The following C10orf143 variants were observed in gnomAD, a reference collection of about 807,000 sequenced individuals.
C10orf143 encodes chromosome 10 open reading frame 143, also known as uncharacterized protein C10orf143.
chr10:130,075,125 T>C (rs1861094378), intron 3 of C10orf143, among the ~76,000 whole-genome samples: 1 of 151,946 alleles, frequency 6.6e-6, no homozygotes, highest in Non-Finnish European at 1.5e-5. Flanking sequence ...CTAATGACAA[T>C]GCTGGTATCC....
intron 1 of C10orf143, among the ~76,000 whole-genome samples, chr10:130,093,658 T>C (rs1372449718): frequency 6.6e-6 from 1 of 151,988 alleles, no homozygotes; most frequent in African/African-American, 2.4e-5. Context: ...ACAAAATACA[T>C]AGGCCACTAG....
chr10:130,072,449 A>C (rs535447593), intron 3 of C10orf143, among the ~76,000 whole-genome samples: 1 of 152,052 alleles, frequency 6.6e-6, no homozygotes, highest in African/African-American at 2.4e-5. Context: ...CCATCTTTTT[A>C]TCTCTCTTGC....
chr10:130,043,950 C>T (rs1328338370), intron 3 of C10orf143, among the ~76,000 whole-genome samples: 1 of 151,880 alleles, frequency 6.6e-6, no homozygotes, highest in Non-Finnish European at 1.5e-5. Flanking sequence ...TGGGGCTCAG[C>T]CTGGGCACCT....
At chr10:130,035,154 T>G (rs1860530919) in intron 4 of C10orf143, among the ~76,000 whole-genome samples, 1 of 152,216 alleles carries the variant, frequency 6.6e-6, no homozygotes. Context: ...AAATTTATTT[T>G]CTCACCATCC....
intron 3 of C10orf143, chr10:130,068,260 C>T (rs1387244598): frequency 6.6e-6 from 1 of 152,180 alleles, no homozygotes; most frequent in African/African-American, 2.4e-5. Flanking sequence ...AACACAAAGC[C>T]CAGACATGAA....
At chr10:130,046,696 G>A (rs1860677783) in intron 3 of C10orf143, among the ~76,000 whole-genome samples, 2 of 152,256 alleles carry the variant, frequency 1.3e-5, no homozygotes, top group Non-Finnish European at 2.9e-5. Flanking sequence ...CGCGCTGCGG[G>A]CTGGGCGTGT....
intron 1 of C10orf143, chr10:130,107,074 A>C (rs1861662516): frequency 6.4e-7 from 1 of 1,555,906 alleles, no homozygotes; most frequent in African/African-American, 1.4e-5. Context: ...AAATTGATAA[A>C]ACAAAGGAAG....
At chr10:130,055,270 T>C (rs559263708) in intron 3 of C10orf143, among the ~76,000 whole-genome samples, 2 of 152,188 alleles carry the variant, frequency 1.3e-5, no homozygotes, top group Non-Finnish European at 2.9e-5. Context: ...TTTCATCAAA[T>C]TGAAAAGCTT....
At chr10:130,074,801 A>T (rs1312678986) in intron 3 of C10orf143, among the ~76,000 whole-genome samples, 1 of 152,250 alleles carries the variant, frequency 6.6e-6, no homozygotes, top group Non-Finnish European at 1.5e-5. Context: ...ATTTAGAATC[A>T]GAATAATCAT....
At chr10:130,092,933 C>T (rs1262250786) in intron 1 of C10orf143, among the ~76,000 whole-genome samples, 1 of 152,096 alleles carries the variant, frequency 6.6e-6, no homozygotes, top group Non-Finnish European at 1.5e-5. Flanking sequence ...TCTAAGAGAC[C>T]TACAAAGAGA....
chr10:130,060,106 T>G (rs1163669240), downstream of C10orf143, among the ~76,000 whole-genome samples: 2 of 152,138 alleles, frequency 1.3e-5, no homozygotes, highest in African/African-American at 4.8e-5. Context: ...TGGAGCTGGA[T>G]AAGAACTGAC....
intron 3 of C10orf143, among the ~76,000 whole-genome samples, chr10:130,072,022 T>C (rs1313225161): frequency 6.6e-6 from 1 of 152,028 alleles, no homozygotes; most frequent in East Asian, 1.9e-4. Context: ...CTAGAATTGA[T>C]TTTGTGTGAG....
At chr10:130,075,400 G>C (rs1402948009) in intron 3 of C10orf143, among the ~76,000 whole-genome samples, 1 of 152,156 alleles carries the variant, frequency 6.6e-6, no homozygotes, top group Non-Finnish European at 1.5e-5. Context: ...GCGGACTACT[G>C]ACTGAGCCCT....
intron 1 of C10orf143, among the ~76,000 whole-genome samples, chr10:130,093,739 G>A (rs1375140543): frequency 9.2e-5 from 14 of 151,994 alleles, no homozygotes; most frequent in African/African-American, 1.7e-4. Flanking sequence ...GGGGCCAGGC[G>A]CGGTGGCTCA....
chr10:130,106,065 C>A, intron 1 of C10orf143: 1 of 579,822 alleles, frequency 1.7e-6, no homozygotes, highest in Non-Finnish European at 3.3e-6. Flanking sequence ...CCAGGGGCTA[C>A]CCCTCAGCGG....
At chr10:130,066,313 G>A (rs1393358807) in intron 3 of C10orf143, 1 of 150,004 alleles carries the variant, frequency 6.7e-6, no homozygotes, top group Non-Finnish European at 1.5e-5. Context: ...TCAGCCTCCT[G>A]AGTAGCTGGG....
intron 1 of C10orf143, among the ~76,000 whole-genome samples, chr10:130,098,062 C>T (rs1378722998): frequency 6.6e-6 from 1 of 151,708 alleles, no homozygotes. Context: ...GTGGCTCACA[C>T]CTGTAATCCC....
chr10:130,047,617 C>A (rs1220505980), intron 3 of C10orf143, among the ~76,000 whole-genome samples: 1 of 152,196 alleles, frequency 6.6e-6, no homozygotes, highest in African/African-American at 2.4e-5. Context: ...CAGACCCGGA[C>A]GAAGCCAGCT....
intron 3 of C10orf143, chr10:130,066,421 T>C (rs954762000): frequency 2.0e-5 from 3 of 151,106 alleles, no homozygotes; most frequent in Non-Finnish European, 4.4e-5. Context: ...CTAGAACTCC[T>C]GGCCTCAGGC....
Sources: allele counts gnomAD v4.1 joint callset (sites outside exome capture counted in the v4.1 genomes callset), GRCh38; gene constraint gnomAD v4.1.1; transcripts MANE v1.5; gene names NCBI Gene and HGNC (gene_info 2026-07-23, HGNC 2026-07-21).